ENTREP2: variants seen among roughly 807,000 people sequenced by gnomAD.
The protein encoded by ENTREP2 is protein ENTREP2.
At chr15:29,543,844 A>G in the ENTREP2 span, among the ~76,000 whole-genome samples, 1 of 151,846 alleles carries the variant, frequency 6.6e-6, no homozygotes, top group Admixed American at 6.6e-5. Flanking sequence ...TTTCATAAAG[A>G]AGGTGATCAA....
chr15:29,621,777 C>T, the ENTREP2 span, among the ~76,000 whole-genome samples: 4 of 151,826 alleles, frequency 2.6e-5, no homozygotes, highest in African/African-American at 9.7e-5. Flanking sequence ...GTATACATGC[C>T]AAAGAAAGCA....
At chr15:29,257,534 G>A in the ENTREP2 span, among the ~76,000 whole-genome samples, 13 of 152,194 alleles carry the variant, frequency 8.5e-5, no homozygotes. Context: ...AAGTGGCATT[G>A]CTGGATCAAC....
At chr15:29,123,346 T>G in the ENTREP2 span, 3,142 of 1,529,610 alleles carry the variant, frequency 2.1e-3, 8 homozygotes, top group Non-Finnish European at 1.9e-3. Context: ...CCTTCATACC[T>G]GGTCCAGAAC....
chr15:29,666,679 A>T, the ENTREP2 span, among the ~76,000 whole-genome samples: 1 of 152,194 alleles, frequency 6.6e-6, no homozygotes, highest in South Asian at 2.1e-4. Context: ...CCACCTCAGG[A>T]CTTTTGCACT....
the ENTREP2 span, among the ~76,000 whole-genome samples, chr15:29,647,772 C>T: frequency 3.9e-5 from 6 of 152,232 alleles, no homozygotes; most frequent in South Asian, 2.1e-4. Context: ...CTCCAGAGGA[C>T]TCAATCCACC....
the ENTREP2 span, among the ~76,000 whole-genome samples, chr15:29,143,475 C>T: frequency 6.6e-6 from 1 of 152,182 alleles, no homozygotes; most frequent in Non-Finnish European, 1.5e-5. Context: ...AGAGGTGCTC[C>T]TTCCTGTGGG....
the ENTREP2 span, among the ~76,000 whole-genome samples, chr15:29,221,714 T>G: frequency 6.6e-6 from 1 of 152,066 alleles, no homozygotes; most frequent in Admixed American, 6.6e-5. Context: ...AGAAATTTCA[T>G]TAATTAGCAC....
the ENTREP2 span, among the ~76,000 whole-genome samples, chr15:29,481,280 G>C: frequency 6.6e-6 from 1 of 152,194 alleles, no homozygotes; most frequent in Non-Finnish European, 1.5e-5. Context: ...TTAAAATGCA[G>C]ATCCTGCTAC....
chr15:29,213,267 A>G, the ENTREP2 span, among the ~76,000 whole-genome samples: 29 of 152,138 alleles, frequency 1.9e-4, no homozygotes, highest in East Asian at 3.1e-3. Context: ...TTGACTTGGC[A>G]ATGCGGGCTC....
At chr15:29,134,956 T>C in the ENTREP2 span, among the ~76,000 whole-genome samples, 1 of 152,034 alleles carries the variant, frequency 6.6e-6, no homozygotes, top group Admixed American at 6.5e-5. Flanking sequence ...CCGGTACCAG[T>C]GCCTGGCCAG....
the ENTREP2 span, among the ~76,000 whole-genome samples, chr15:29,425,926 C>T: frequency 7.2e-4 from 109 of 151,466 alleles, no homozygotes; most frequent in African/African-American, 2.5e-3. Context: ...GGTTTAATTG[C>T]TTACTTCTGC....
chr15:29,208,591 G>C, the ENTREP2 span, among the ~76,000 whole-genome samples: 1 of 152,308 alleles, frequency 6.6e-6, no homozygotes, highest in African/African-American at 2.4e-5. Context: ...TACACCCCTG[G>C]TGGGAGTGAA....
chr15:29,276,488 G>C, the ENTREP2 span, among the ~76,000 whole-genome samples: 3 of 152,166 alleles, frequency 2.0e-5, no homozygotes, highest in Admixed American at 2.0e-4. Flanking sequence ...ATTCAGGCCA[G>C]ACACAGTGAC....
At chr15:29,136,228 G>A in the ENTREP2 span, 15,882 of 907,114 alleles carry the variant, frequency 0.018, 1,409 homozygotes, top group African/African-American at 0.22. Context: ...CGGGGGCCTC[G>A]GCACAGGGCG....
the ENTREP2 span, among the ~76,000 whole-genome samples, chr15:29,561,027 G>A: frequency 6.7e-6 from 1 of 148,246 alleles, no homozygotes; most frequent in Non-Finnish European, 1.5e-5. Context: ...TCAGGGAAAT[G>A]CAAGTCTAAA....
the ENTREP2 span, among the ~76,000 whole-genome samples, chr15:29,160,193 G>A: frequency 2.0e-5 from 3 of 152,306 alleles, no homozygotes; most frequent in South Asian, 4.1e-4. Context: ...CGGAGCCCAC[G>A]CCCACTTGGA....
chr15:29,600,898 C>CTTTTTTTTTTTTTTTTT, the ENTREP2 span, among the ~76,000 whole-genome samples: 219 of 125,378 alleles, frequency 1.7e-3, 45 homozygotes, highest in Middle Eastern at 9.0e-3. Context: ...TATGATTTTT[C>CTTTTTTTTTTTTTTTTT]TTTCTTTTTT....
the ENTREP2 span, among the ~76,000 whole-genome samples, chr15:29,616,595 G>T: frequency 2.6e-5 from 4 of 152,130 alleles, no homozygotes; most frequent in Non-Finnish European, 4.4e-5. Flanking sequence ...TTGAATTTTT[G>T]ATTGTTTACC....
the ENTREP2 span, among the ~76,000 whole-genome samples, chr15:29,554,382 G>T: frequency 2.0e-5 from 3 of 151,328 alleles, no homozygotes; most frequent in Non-Finnish European, 4.4e-5. Context: ...GAGGGAGGAA[G>T]GGAGGGAGAG....
Sources: gnomAD v4.1 joint callset for allele counts (sites outside exome capture counted in the v4.1 genomes callset) on GRCh38, gnomAD v4.1.1 for gene constraint, MANE v1.5 for transcripts, NCBI Gene and HGNC (gene_info 2026-07-23, HGNC 2026-07-21) for gene names.